Variants in WWP2 observed in about 807,000 individuals in gnomAD.
WWP2 encodes the protein WW domain containing E3 ubiquitin protein ligase 2, also known as NEDD4-like E3 ubiquitin-protein ligase WWP2.
In WWP2, 57 loss-of-function variants were observed where a neutral mutation model predicts 121.0. That is an observed-to-expected ratio of 0.47 (90% CI 0.38 to 0.59). The LOEUF (loss-of-function observed/expected upper bound fraction) is 0.59, where lower values mean the gene tolerates loss of function less well. Among genes scored for constraint, WWP2 ranks in the 20% least tolerant of loss-of-function variants. The pLI, the probability that WWP2 is intolerant of heterozygous loss-of-function variation, is 0.00. For synonymous variants in WWP2, 449 were observed against 441.3 expected (o/e 1.02, Z -0.22); for missense variants, 962 against 1,158.9 (o/e 0.83, Z 2.47).
chr16:69,853,306 C>T (rs990205495), intron 6 of WWP2, among the ~76,000 whole-genome samples: 26 of 152,178 alleles, frequency 1.7e-4, no homozygotes, highest in African/African-American at 6.3e-4. Context: ...GTTACAGGCT[C>T]ACAGGCTTGC....
chr16:69,853,642 G>A (rs1231022539), intron 6 of WWP2, among the ~76,000 whole-genome samples: 1 of 152,192 alleles, frequency 6.6e-6, no homozygotes, highest in Non-Finnish European at 1.5e-5. Flanking sequence ...AGGGACTGAC[G>A]AAGAGGACTG....
chr16:69,858,424 A>C (rs2151898834), intron 6 of WWP2, among the ~76,000 whole-genome samples: 1 of 151,694 alleles, frequency 6.6e-6, no homozygotes, highest in South Asian at 2.1e-4. Flanking sequence ...ATTCGCCAAA[A>C]CTTCTGGGTG....
chr16:69,778,828 C>CG (rs1434991638), intron 1 of WWP2, among the ~76,000 whole-genome samples: 3 of 151,322 alleles, frequency 2.0e-5, no homozygotes, highest in South Asian at 2.1e-4. Flanking sequence ...TTCATAGAGA[C>CG]GGGGGTCTCA....
At chr16:69,824,329 G>A (rs1358969489) in intron 4 of WWP2, among the ~76,000 whole-genome samples, 2 of 152,144 alleles carry the variant, frequency 1.3e-5, no homozygotes, top group African/African-American at 4.8e-5. Context: ...CGTCAAAAGG[G>A]AAGGTAATCC....
chr16:69,939,169 A>G, intron 22 of WWP2, 46 bp downstream of exon 22: 1 of 1,572,188 alleles, frequency 6.4e-7, no homozygotes, highest in South Asian at 1.1e-5. Flanking sequence ...CAGTGCGGAC[A>G]GCTCAGAGGG....
intron 4 of WWP2, among the ~76,000 whole-genome samples, chr16:69,803,798 C>T (rs1242981469): frequency 6.6e-6 from 1 of 152,142 alleles, no homozygotes; most frequent in African/African-American, 2.4e-5. Context: ...ATCCCAGCTA[C>T]TCAGGAGTCT....
chr16:69,800,942 T>C (rs1318462110), intron 4 of WWP2, among the ~76,000 whole-genome samples: 1 of 149,750 alleles, frequency 6.7e-6, no homozygotes, highest in African/African-American at 2.4e-5. Context: ...TCCCAGTACT[T>C]TGGGAGGCTG....
chr16:69,876,278 C>T (rs1371470272), intron 7 of WWP2, among the ~76,000 whole-genome samples: 1 of 151,288 alleles, frequency 6.6e-6, no homozygotes, highest in Non-Finnish European at 1.5e-5. Flanking sequence ...TGGCCACATC[C>T]ATCAGAGGAA....
At chr16:69,796,390 T>A (rs1472464118) in intron 2 of WWP2, among the ~76,000 whole-genome samples, 2 of 152,310 alleles carry the variant, frequency 1.3e-5, no homozygotes, top group Middle Eastern at 3.4e-3. Context: ...CTACCTTAAA[T>A]GTGCTCAGGA....
At chr16:69,830,386 G>A (rs2056773411) in intron 4 of WWP2, among the ~76,000 whole-genome samples, 1 of 152,188 alleles carries the variant, frequency 6.6e-6, no homozygotes. Flanking sequence ...ACTGTGCCCA[G>A]CCCAGGAAAT....
intron 17 of WWP2, 127 bp downstream of exon 17, chr16:69,934,256 T>G: frequency 8.0e-7 from 1 of 1,254,656 alleles, no homozygotes; most frequent in South Asian, 1.4e-5. Flanking sequence ...AGGGGCAGCA[T>G]TGGAGGAGGC....
At chr16:69,815,389 C>T (rs1311858838) in intron 4 of WWP2, among the ~76,000 whole-genome samples, 2 of 151,894 alleles carry the variant, frequency 1.3e-5, no homozygotes, top group South Asian at 2.1e-4. Context: ...CTCACTGTAA[C>T]CTTGAACTCC....
chr16:69,933,730 G>C (rs554337783), intron 16 of WWP2, among the ~76,000 whole-genome samples: 1 of 152,156 alleles, frequency 6.6e-6, no homozygotes, highest in African/African-American at 2.4e-5. Flanking sequence ...ACAATCACAC[G>C]TTTTCCCAAA....
intron 3 of WWP2, 107 bp downstream of exon 3, chr16:69,798,936 T>C: frequency 4.7e-6 from 7 of 1,497,868 alleles, no homozygotes; most frequent in Admixed American, 2.1e-5. Flanking sequence ...TCCGACTTTT[T>C]CTACCTATGG....
chr16:69,883,625 G>A lies in WWP2; in HGVS notation c.704-4414G>A, dbSNP rs9924630. Among the ~76,000 whole-genome samples, 336 of 152,082 alleles carry A rather than the reference G, an allele frequency of 2.2e-3. 3 individuals are homozygous for A. Among genetic ancestry groups the A allele is most frequent in the African/African-American group, 7.2e-3 (299 of 41,476 alleles). ...ACAGGATGTGCAGGTTTGTTACATC[G>A]GTTAAACATGCGCCATGGTGGTTTA... is the stretch of plus-strand genomic sequence containing the variant. On this transcript the variant is annotated intron_variant, in intron 7 of 23. Coordinates refer to ENST00000359154, the MANE Select transcript of WWP2 (RefSeq NM_001270454.2).
chr16:69,914,905 A>C (rs201359233), intron 9 of WWP2, among the ~76,000 whole-genome samples: 1 of 152,256 alleles, frequency 6.6e-6, no homozygotes. Flanking sequence ...AAGCTACTCC[A>C]TGATTTATCG....
At chr16:69,861,510 G>A (rs1007092035) in intron 6 of WWP2, among the ~76,000 whole-genome samples, 1 of 152,118 alleles carries the variant, frequency 6.6e-6, no homozygotes, top group African/African-American at 2.4e-5. Flanking sequence ...TACCTTCCCT[G>A]TCATTTGTGA....
intron 4 of WWP2, among the ~76,000 whole-genome samples, chr16:69,807,028 C>T (rs1168416262): frequency 6.7e-6 from 1 of 148,318 alleles, no homozygotes; most frequent in African/African-American, 2.5e-5. Flanking sequence ...CTGCATTTAT[C>T]TTTGTCTTTT....
At chr16:69,767,787 T>C (rs2038764141) in intron 1 of WWP2, among the ~76,000 whole-genome samples, 1 of 152,176 alleles carries the variant, frequency 6.6e-6, no homozygotes, top group African/African-American at 2.4e-5. Context: ...GTTGCTTACT[T>C]ATCTTATTAG....
Sources: allele counts gnomAD v4.1 joint callset (sites outside exome capture counted in the v4.1 genomes callset), GRCh38; gene constraint gnomAD v4.1.1; transcripts MANE v1.5; gene names NCBI Gene and HGNC (gene_info 2026-07-23, HGNC 2026-07-21).